MAGI1: variants seen among roughly 807,000 people sequenced by gnomAD.
The protein encoded by MAGI1 is membrane-associated guanylate kinase, WW and PDZ domain-containing protein 1.
MAGI1 carries 58 observed loss-of-function variants against 139.9 expected under a neutral mutation model. That is an observed-to-expected ratio of 0.41 (90% CI 0.34 to 0.52). The LOEUF (loss-of-function observed/expected upper bound fraction) is 0.52, where lower values mean the gene tolerates loss of function less well. MAGI1 is among the 20% of genes least tolerant of loss of function. MAGI1 has a pLI of 0.12. For missense variants in MAGI1, 1,874 were observed against 1,901.6 expected, an observed-to-expected ratio of 0.99 and a Z score of 0.27; for synonymous variants, 812 against 737.9, an observed-to-expected ratio of 1.10 and a Z score of -1.63.
intron 1 of MAGI1, among the ~76,000 whole-genome samples, chr3:65,744,560 G>A (rs761521477): frequency 7.2e-5 from 11 of 152,136 alleles, no homozygotes; most frequent in East Asian, 5.8e-4. Context: ...GGTTCCAATC[G>A]TATGGAAACA....
intron 1 of MAGI1, among the ~76,000 whole-genome samples, chr3:65,819,849 C>T (rs1259487075): frequency 2.0e-5 from 2 of 99,992 alleles, no homozygotes; most frequent in African/African-American, 7.2e-5. Context: ...TGCACTCCAG[C>T]CTAGCCACAG....
chr3:65,634,815 A>G (rs2084512088), intron 1 of MAGI1, among the ~76,000 whole-genome samples: 1 of 152,186 alleles, frequency 6.6e-6, no homozygotes, highest in Non-Finnish European at 1.5e-5. Flanking sequence ...TACTGAACGA[A>G]TGCTGATAAG....
Position 65,518,497 on chromosome 3 carries a change from C to A in MAGI1, c.431-24866G>T, listed in dbSNP as rs549332622. 2.3e-3 allele frequency among the ~76,000 whole-genome samples: 346 copies of A among 152,098 alleles called. 1 individual carries two copies. Among genetic ancestry groups the A allele is most frequent in the Non-Finnish European group, 3.0e-3 (202 of 67,982 alleles). On this transcript the variant is annotated intron_variant, in intron 2 of 22. Transcript: ENST00000402939. ...TCATTTGGACATTTTATTGCTCTTC[C>A]CACAAGAAAAGGTAGGAGATGGGAA...
intron 5 of MAGI1, among the ~76,000 whole-genome samples, chr3:65,467,005 G>T (rs73133333): frequency 2.0e-5 from 3 of 152,058 alleles, no homozygotes; most frequent in Non-Finnish European, 4.4e-5. Flanking sequence ...TTTTATCAGG[G>T]CTTTATTTGC....
intron 10 of MAGI1, among the ~76,000 whole-genome samples, chr3:65,432,085 G>C (rs761736975): frequency 7.9e-5 from 12 of 152,112 alleles, no homozygotes; most frequent in Non-Finnish European, 1.8e-4. Context: ...GAGTTTTCTT[G>C]ATACATTCAC....
chr3:65,887,282 C>T (rs896014530), intron 1 of MAGI1, among the ~76,000 whole-genome samples: 1 of 151,256 alleles, frequency 6.6e-6, no homozygotes, highest in Non-Finnish European at 1.5e-5. Context: ...ACTTTATATT[C>T]CTGTGTTTTA....
intron 1 of MAGI1, among the ~76,000 whole-genome samples, chr3:65,853,299 A>G (rs2059269384): frequency 6.6e-6 from 1 of 152,262 alleles, no homozygotes; most frequent in Non-Finnish European, 1.5e-5. Flanking sequence ...TGTGGTAAAC[A>G]GCTCAACTGA....
rs2059750122 is a variant in MAGI1, at chr3:65,866,929, T to C, written c.313+171067A>G. On this transcript the variant is annotated intron_variant, in intron 1 of 22. Transcript: ENST00000402939. ...GACTGTGGTCAATCAGCTGGACTGC[T>C]GCTGGCTGTCCCGGACAGGATGTGA... Among the ~76,000 whole-genome samples, 3 of 152,204 alleles carry C rather than the reference T, an allele frequency of 2.0e-5. No homozygotes were observed. The South Asian group carries it at 6.2e-4, about 31-fold the overall frequency.
At chr3:65,836,849 G>A (rs2042837095) in intron 1 of MAGI1, among the ~76,000 whole-genome samples, 1 of 152,098 alleles carries the variant, frequency 6.6e-6, no homozygotes, top group African/African-American at 2.4e-5. Flanking sequence ...AGCGAGCTGT[G>A]CTTTTTGTGG....
chr3:65,783,235 GA>G (rs2039081534), intron 1 of MAGI1, among the ~76,000 whole-genome samples: 1 of 151,898 alleles, frequency 6.6e-6, no homozygotes, highest in Non-Finnish European at 1.5e-5. Context: ...TTTCTTTAAA[GA>G]AGGCATACAA....
chr3:65,376,124 C>CT (rs1360649111), intron 17 of MAGI1, among the ~76,000 whole-genome samples, 179 bp from the exon 18 acceptor site: 1 of 152,204 alleles, frequency 6.6e-6, no homozygotes, highest in Non-Finnish European at 1.5e-5. Context: ...CTCAGGGTGT[C>CT]TGTATAAGGA....
intron 2 of MAGI1, among the ~76,000 whole-genome samples, chr3:65,519,711 C>T (rs1344087756): frequency 6.6e-6 from 1 of 152,110 alleles, no homozygotes. Flanking sequence ...GAGATCACTC[C>T]ATCTACTGAA....
At position 65,865,022 on chromosome 3, in the gene MAGI1, T is replaced by C. The variant is rs1396566359; in HGVS notation, c.313+172974A>G. Reference sequence around the variant, plus strand: ...TACGTACATACAGAGAGGGTTGATATAACACTCGGATAGACACTAAGCAGC... The same window carrying C: ...TACGTACATACAGAGAGGGTTGATACAACACTCGGATAGACACTAAGCAGC... On this transcript the variant is annotated intron_variant, in intron 1 of 22. Transcript: ENST00000402939. 2.0e-5 allele frequency among the ~76,000 whole-genome samples: 3 copies of C among 152,086 alleles called. No homozygotes were observed. In the East Asian group the frequency reaches 5.8e-4, roughly 29 times the overall value.
At chr3:65,804,614 A>T (rs2040728920) in intron 1 of MAGI1, among the ~76,000 whole-genome samples, 1 of 152,078 alleles carries the variant, frequency 6.6e-6, no homozygotes, top group African/African-American at 2.4e-5. Context: ...CACATCATGA[A>T]CTATAGCAAG....
intron 2 of MAGI1, among the ~76,000 whole-genome samples, chr3:65,582,155 A>G (rs2081459999): frequency 6.6e-6 from 1 of 152,248 alleles, no homozygotes; most frequent in Admixed American, 6.5e-5. Context: ...CTTGAATGTA[A>G]GCGCCCTGAA....
intron 1 of MAGI1, among the ~76,000 whole-genome samples, chr3:65,912,236 C>A (rs1329507134): frequency 2.0e-4 from 26 of 130,956 alleles, no homozygotes; most frequent in Admixed American, 3.9e-4. Context: ...ACTCTGATCT[C>A]AAAAAAAAAA....
chr3:65,877,108 G>A (rs1177412922), intron 1 of MAGI1, among the ~76,000 whole-genome samples: 2 of 152,158 alleles, frequency 1.3e-5, no homozygotes, highest in Admixed American at 1.3e-4. Context: ...AGTTTAAGCT[G>A]GGACTCAAAT....
intron 1 of MAGI1, among the ~76,000 whole-genome samples, chr3:65,807,659 C>T (rs888716065): frequency 1.4e-4 from 22 of 152,128 alleles, no homozygotes; most frequent in African/African-American, 5.3e-4. Flanking sequence ...CCGGCTATTC[C>T]AAACAGAAGT....
Position 65,707,583 on chromosome 3 carries a change from G to A in MAGI1, c.314-85495C>T, listed in dbSNP as rs2030563753. Among the ~76,000 whole-genome samples, 3 of 151,060 alleles carry A rather than the reference G, an allele frequency of 2.0e-5. 1 individual carries two copies. The highest frequency in any genetic ancestry group is 1.3e-4 in the Admixed American group (2 of 15,164). On this transcript the variant is annotated intron_variant, in intron 1 of 22. Coordinates refer to ENST00000402939, the MANE Select transcript of MAGI1 (RefSeq NM_001033057.2). ...TGCGTGCCTGTAGGCCCAGCTACTT[G>A]GGAGGCTGAGGTGGGAGGACTGCTT...
Sources: allele counts gnomAD v4.1 joint callset (sites outside exome capture counted in the v4.1 genomes callset), GRCh38; gene constraint gnomAD v4.1.1; transcripts MANE v1.5; gene names NCBI Gene and HGNC (gene_info 2026-07-23, HGNC 2026-07-21).